DMRT3: variants seen among roughly 807,000 people sequenced by gnomAD.
DMRT3 encodes doublesex- and mab-3-related transcription factor 3.
A neutral mutation model predicts 34.9 loss-of-function variants in DMRT3; 29 were observed. That is an observed-to-expected ratio of 0.83 (90% CI 0.62 to 1.13). DMRT3 has a LOEUF of 1.13. Ranked by LOEUF, DMRT3 falls within the 50% of genes most tolerant of loss-of-function variation. The pLI is 0.00. For synonymous variants in DMRT3, 350 were observed against 286.0 expected (o/e 1.22, Z -2.26); for missense variants, 772 against 629.1 (o/e 1.23, Z -2.43).
chr9:989,930 A>C, intron 1 of DMRT3, 111 bp from the exon 2 acceptor site: 1 of 1,395,530 alleles, frequency 7.2e-7, no homozygotes, highest in Non-Finnish European at 9.8e-7. Flanking sequence ...ATTATGACCC[A>C]TTGAGATGCA....
Position 990,045 on chromosome 9 carries a change from G to A in DMRT3, c.459G>A (p.Leu153=), listed in dbSNP as rs777731430. ...CTCAGCTGTTCTGTTTTCCAGATTT[G>A]ACTGAAGAACGACTTGGAGACGGCA... ...ALQAQLAKPD[L]TEERLGDGKS... The change falls in exon 2 of 2, where the codon TTG becomes TTA. Residue 153 remains leucine, a synonymous_variant. Coordinates refer to ENST00000190165, the MANE Select transcript of DMRT3 (RefSeq NM_021240.4). The A allele has an allele frequency of 1.9e-6, 3 of 1,613,512 alleles. No individual in the cohort carries two copies. Among genetic ancestry groups the A allele is most frequent in the African/African-American group, 2.7e-5 (2 of 74,890 alleles).
At chr9:986,435 T>C (rs988202094) in intron 1 of DMRT3, among the ~76,000 whole-genome samples, 5 of 149,870 alleles carry the variant, frequency 3.3e-5, no homozygotes, top group African/African-American at 9.7e-5. Context: ...TTTGATCCAC[T>C]TTTTTTCTGG....
chr9:982,513 A>G (rs1486809380), intron 1 of DMRT3, among the ~76,000 whole-genome samples: 2 of 152,238 alleles, frequency 1.3e-5, no homozygotes, highest in Non-Finnish European at 2.9e-5. Context: ...GACAGTGTGA[A>G]TCGAATCTGA....
At chr9:977,602 C>A in intron 1 of DMRT3, 147 bp downstream of exon 1, 1 of 866,532 alleles carries the variant, frequency 1.2e-6, no homozygotes, top group Non-Finnish European at 1.5e-6. Flanking sequence ...CAGGCCGGGG[C>A]TTCCTCTCCC....
At position 991,189 on chromosome 9, in the gene DMRT3, C is replaced by A. The variant is rs1442738489; in HGVS notation, c.*184C>A. 3 of 701,040 alleles carry A rather than the reference C, an allele frequency of 4.3e-6. No homozygotes were observed. Among genetic ancestry groups the A allele is most frequent in the Non-Finnish European group, 6.9e-6 (3 of 435,518 alleles). The allele number at this position is 701,040 out of a possible 1,614,324, so 43.4% of individuals were successfully genotyped here. ...ACTTCTTGCACTTCACTGGAAAATGCCAAATAGCTCTGTTCTGTGGCTTTA... is the reference window on the plus strand; with the variant it reads ...ACTTCTTGCACTTCACTGGAAAATGACAAATAGCTCTGTTCTGTGGCTTTA... On this transcript the variant is annotated 3_prime_UTR_variant, in exon 2 of 2. Coordinates refer to ENST00000190165, the MANE Select transcript of DMRT3 (RefSeq NM_021240.4).
rs1167413432 is a variant in DMRT3 at position 977,354 on chromosome 9, C to T, written c.353C>T (p.Pro118Leu). The change falls in exon 1 of 2, where the codon CCG becomes CTG. Residue 118 changes from proline (P) to leucine (L), a missense_variant. Coordinates refer to ENST00000190165, the MANE Select transcript of DMRT3 (RefSeq NM_021240.4). ...CCGCCAGCCTCTCAGCCGTCGCAGCCGCAGCCGCCGCGCCCTGCTGCCGAG... is the reference window on the plus strand; with the variant it reads ...CCGCCAGCCTCTCAGCCGTCGCAGCTGCAGCCGCCGCGCCCTGCTGCCGAG... ...QPPPASQPSQ[P>L]QPPRPAAELA... 3 of 1,237,256 alleles carry T rather than the reference C, an allele frequency of 2.4e-6. No homozygotes were observed. Among genetic ancestry groups the T allele is most frequent in the Admixed American group, 8.5e-5 (2 of 23,446 alleles). 76.6% of individuals were successfully genotyped at this position (1,237,256 alleles called of 1,614,324 possible).
chr9:977,548 T>C (rs1403522879), intron 1 of DMRT3, 93 bp downstream of exon 1: 2 of 1,130,528 alleles, frequency 1.8e-6, no homozygotes, highest in Non-Finnish European at 2.2e-6. Flanking sequence ...GGAGGCAAAG[T>C]TTTGGGACGT....
At chr9:989,668 T>C (rs1042382957) in intron 1 of DMRT3, among the ~76,000 whole-genome samples, 3 of 152,164 alleles carry the variant, frequency 2.0e-5, no homozygotes, top group African/African-American at 7.2e-5. Context: ...CTGAGCTGAT[T>C]TTCCTGTTTC....
At chr9:977,845 G>A (rs1202998302) in intron 1 of DMRT3, among the ~76,000 whole-genome samples, 1 of 152,200 alleles carries the variant, frequency 6.6e-6, no homozygotes, top group African/African-American at 2.4e-5. Flanking sequence ...CCTGGCTGCA[G>A]GCTTTAGAGG....
chr9:977,361 G>GCC lies in DMRT3; in HGVS notation c.361_362dup (p.Pro123AlafsTer32). ...CCTCTCAGCCGTCGCAGCCGCAGCC[G>GCC]CCGCGCCCTGCTGCCGAGTTGGCCG... On this transcript the variant is annotated frameshift_variant, in exon 1 of 2. Transcript: ENST00000190165. LOFTEE classifies it high-confidence loss of function. 8.1e-7 allele frequency: 1 copy of GCC among 1,232,532 alleles called. No homozygotes were observed. Among genetic ancestry groups the GCC allele is most frequent in the Non-Finnish European group, 1.0e-6 (1 of 990,626 alleles). The allele number at this position is 1,232,532 out of a possible 1,614,324, so 76.3% of individuals were successfully genotyped here. A position where few individuals can be genotyped will look rare whatever the true frequency, so the allele number is the denominator to read the frequency against.
At chr9:985,069 A>C (rs376089592) in intron 1 of DMRT3, among the ~76,000 whole-genome samples, 1 of 152,144 alleles carries the variant, frequency 6.6e-6, no homozygotes, top group Non-Finnish European at 1.5e-5. Context: ...TTGAATATCT[A>C]CTTCTTTTAA....
rs775296698 is a variant in DMRT3 at position 990,386 on chromosome 9, T to G, written c.800T>G (p.Leu267Arg). The G allele has an allele frequency of 1.9e-6, 3 of 1,614,090 alleles. No individual in the cohort carries two copies. The highest frequency in any genetic ancestry group is 2.2e-5 in the South Asian group (2 of 91,086). ...TTCCCCAACCAGAAGCCAACGGTGC[T>G]TGAGCTCATCCTCAAGGGCTGTGGC... is the stretch of plus-strand genomic sequence containing the variant. ...KIFPNQKPTVLELILKGCGGD... is the reference protein window; with the variant it reads ...KIFPNQKPTVRELILKGCGGD... Residue 267 changes from leucine to arginine, a missense_variant, in exon 2 of 2, where the codon CTT becomes CGT. By Grantham distance (102) the Leu-to-Arg change is moderately radical. Coordinates refer to ENST00000190165, the MANE Select transcript of DMRT3 (RefSeq NM_021240.4).
intron 1 of DMRT3, among the ~76,000 whole-genome samples, chr9:985,905 C>A (rs138040164): frequency 6.6e-6 from 1 of 152,220 alleles, no homozygotes; most frequent in Non-Finnish European, 1.5e-5. Context: ...TTCCTTTGAA[C>A]ACAGTGTAAG....
At chr9:983,250 T>G (rs558773559) in intron 1 of DMRT3, among the ~76,000 whole-genome samples, 41 of 152,336 alleles carry the variant, frequency 2.7e-4, no homozygotes, top group African/African-American at 9.9e-4. Context: ...ATCTCTTGAT[T>G]ACAACAACTA....
chr9:977,021 C>T lies in DMRT3; in HGVS notation c.20C>T (p.Pro7Leu), dbSNP rs1586681007. 2 of 1,544,058 alleles carry T rather than the reference C, an allele frequency of 1.3e-6. No homozygotes were observed. The highest frequency in any genetic ancestry group is 1.7e-6 in the Non-Finnish European group (2 of 1,147,230). The change falls in exon 1 of 2, where the codon CCC (proline) becomes CTC (leucine). Residue 7 changes from proline (P) to leucine (L), a missense_variant. Transcript: ENST00000190165. MNGYGS[P>L]YLYMGGPVSQ... is the part of the protein sequence containing the mutation. ...CGGGGCATGAACGGCTACGGCTCCC[C>T]CTACCTGTACATGGGCGGCCCGGTG... is the stretch of plus-strand genomic sequence containing the variant.
intron 1 of DMRT3, among the ~76,000 whole-genome samples, chr9:986,664 G>A (rs906666981): frequency 3.3e-5 from 5 of 152,068 alleles, no homozygotes; most frequent in African/African-American, 1.2e-4. Context: ...AGGCTGAGGC[G>A]GGTGGATCAT....
chr9:982,397 T>C (rs1820233025), intron 1 of DMRT3, among the ~76,000 whole-genome samples: 1 of 152,228 alleles, frequency 6.6e-6, no homozygotes, highest in Non-Finnish European at 1.5e-5. Context: ...CACTCCTTGG[T>C]GTTATAAATC....
intron 1 of DMRT3, among the ~76,000 whole-genome samples, chr9:983,691 G>A (rs1348589412): frequency 1.3e-5 from 2 of 152,108 alleles, no homozygotes; most frequent in Non-Finnish European, 2.9e-5. Flanking sequence ...TTTCCCCTCT[G>A]CTTCTTGGAA....
intron 1 of DMRT3, among the ~76,000 whole-genome samples, chr9:989,254 T>C (rs1820322019): frequency 1.3e-5 from 2 of 152,220 alleles, no homozygotes; most frequent in Non-Finnish European, 2.9e-5. Context: ...TGATGCGTTG[T>C]TTCATTGATG....
Sources: allele counts gnomAD v4.1 joint callset (sites outside exome capture counted in the v4.1 genomes callset), GRCh38; gene constraint gnomAD v4.1.1; transcripts MANE v1.5; gene names NCBI Gene and HGNC (gene_info 2026-07-23, HGNC 2026-07-21).